Variants in SDK1 observed in about 807,000 individuals in gnomAD.
SDK1 encodes sidekick cell adhesion molecule 1.
In SDK1, 157 loss-of-function variants were observed where a neutral mutation model predicts 245.5. The ratio of observed to expected loss-of-function variants is 0.64; its 90% CI spans 0.56 to 0.73. SDK1 has a LOEUF of 0.73. SDK1 is among the 30% of genes least tolerant of loss of function. SDK1 has a pLI of 0.00. For synonymous variants in SDK1, 1,647 were observed against 1,278.5 expected (o/e 1.29, Z -6.15); for missense variants, 3,583 against 3,002.3 (o/e 1.19, Z -4.52).
intron 5 of SDK1, among the ~76,000 whole-genome samples, chr7:3,862,366 G>T (rs1393884638): frequency 2.6e-5 from 4 of 152,218 alleles, no homozygotes; most frequent in Non-Finnish European, 5.9e-5. Flanking sequence ...TTCCAGGCTG[G>T]TGCAGTCTCG....
intron 35 of SDK1, among the ~76,000 whole-genome samples, chr7:4,202,316 G>A (rs1783935524): frequency 6.6e-6 from 1 of 152,204 alleles, no homozygotes; most frequent in Non-Finnish European, 1.5e-5. Flanking sequence ...TCCAAGGGCT[G>A]GTCCCACCAG....
intron 4 of SDK1, among the ~76,000 whole-genome samples, chr7:3,733,473 C>T (rs1009454059): frequency 1.3e-5 from 2 of 152,116 alleles, no homozygotes; most frequent in Admixed American, 1.3e-4. Context: ...GTCTTCTATC[C>T]AGGGCTGGAA....
intron 1 of SDK1, among the ~76,000 whole-genome samples, chr7:3,406,690 A>T (rs1779064056): frequency 1.3e-5 from 2 of 152,094 alleles, no homozygotes; most frequent in Non-Finnish European, 2.9e-5. Flanking sequence ...ACACGAGGGG[A>T]TGTTTAGGGG....
At chr7:3,553,426 C>G (rs1053972402) in intron 1 of SDK1, among the ~76,000 whole-genome samples, 4 of 152,102 alleles carry the variant, frequency 2.6e-5, no homozygotes, top group African/African-American at 7.2e-5. Context: ...AGAAGGAGAA[C>G]TCTAAAACTT....
At chr7:3,665,797 A>T (rs1206032387) in intron 4 of SDK1, among the ~76,000 whole-genome samples, 1 of 152,134 alleles carries the variant, frequency 6.6e-6, no homozygotes, top group Non-Finnish European at 1.5e-5. Flanking sequence ...AAAAGTGATA[A>T]AGTTGATTCA....
chr7:3,913,573 G>A (rs975941164), intron 5 of SDK1, among the ~76,000 whole-genome samples: 8 of 152,150 alleles, frequency 5.3e-5, no homozygotes, highest in South Asian at 2.1e-4. Context: ...CATTACAGGC[G>A]TGAGCCACCG....
rs373152876 is a variant in SDK1 at position 3,847,588 on chromosome 7, C to T, written c.847+26005C>T. Among the ~76,000 whole-genome samples the T allele has an allele frequency of 5.3e-5, 8 of 152,288 alleles. No individual in the cohort carries two copies. In the East Asian group the frequency reaches 7.8e-4, roughly 15 times the overall value. ...TGCTTCTCACGCTGGTCTTTGTTGA[C>T]GCTGTCATGCTCTCATTATCTCTCA... On this transcript the variant is annotated intron_variant, in intron 5 of 44. Coordinates refer to ENST00000404826, the MANE Select transcript of SDK1 (RefSeq NM_152744.4).
chr7:3,559,422 C>T (rs1286787003), intron 1 of SDK1, among the ~76,000 whole-genome samples: 1 of 152,096 alleles, frequency 6.6e-6, no homozygotes, highest in African/African-American at 2.4e-5. Context: ...ATTTCTCTGC[C>T]AGTGAACTTT....
At chr7:3,546,509 G>A (rs889750714) in intron 1 of SDK1, among the ~76,000 whole-genome samples, 1 of 152,202 alleles carries the variant, frequency 6.6e-6, no homozygotes, top group African/African-American at 2.4e-5. Context: ...TTTACATTCA[G>A]AGTATACACA....
chr7:3,811,144 C>T (rs1041939385), intron 4 of SDK1, among the ~76,000 whole-genome samples: 1 of 152,186 alleles, frequency 6.6e-6, no homozygotes, highest in African/African-American at 2.4e-5. Flanking sequence ...CTGAGCCAGC[C>T]TCATTCACCT....
chr7:4,216,929 C>T (rs949386617), intron 38 of SDK1, among the ~76,000 whole-genome samples: 15 of 152,290 alleles, frequency 9.8e-5, no homozygotes, highest in Non-Finnish European at 2.1e-4. Flanking sequence ...CTAGGGAACA[C>T]TCCTCGAACC....
rs1046141796 is a variant in SDK1, at chr7:3,641,945, T to C, written c.566-13T>C. 3 of 1,607,042 alleles carry C rather than the reference T, an allele frequency of 1.9e-6. No individual in the cohort carries two copies. In the African/African-American group the frequency reaches 4.0e-5, roughly 22 times the overall value. On this transcript the variant is annotated splice_polypyrimidine_tract_variant and intron_variant, in intron 3 of 44. Transcript: ENST00000404826. ...GTTTTCTAGAACTTGAAAGCACTTC[T>C]TTTTCTCTGCAGATATGGGAAGTTT...
intron 4 of SDK1, among the ~76,000 whole-genome samples, chr7:3,653,627 A>G (rs1783073594): frequency 6.6e-6 from 1 of 152,134 alleles, no homozygotes; most frequent in South Asian, 2.1e-4. Context: ...CTCAGTAGGG[A>G]ACAGCATTGA....
At chr7:3,655,470 T>C (rs1434064391) in intron 4 of SDK1, among the ~76,000 whole-genome samples, 2 of 39,244 alleles carry the variant, frequency 5.1e-5, no homozygotes, top group Non-Finnish European at 7.3e-5. Flanking sequence ...TATATATATA[T>C]ATATATATAT....
intron 5 of SDK1, among the ~76,000 whole-genome samples, chr7:3,898,269 G>A (rs895418271): frequency 2.0e-5 from 3 of 152,076 alleles, no homozygotes; most frequent in East Asian, 1.9e-4. Context: ...CCTGAGAGTC[G>A]GGCACAGTTG....
chr7:3,469,204 C>T (rs1008995787), intron 1 of SDK1, among the ~76,000 whole-genome samples: 3 of 152,144 alleles, frequency 2.0e-5, no homozygotes, highest in African/African-American at 7.2e-5. Context: ...GGGAGAATTG[C>T]TTCAAGCCAG....
intron 1 of SDK1, among the ~76,000 whole-genome samples, chr7:3,348,490 C>G (rs1252794444): frequency 2.3e-5 from 2 of 87,442 alleles, no homozygotes; most frequent in Non-Finnish European, 2.8e-5. Flanking sequence ...TAAGGGAGAA[C>G]TAAACATCGA....
At position 3,664,996 on chromosome 7, in the gene SDK1, C is replaced by G. The variant is rs373198987; in HGVS notation, c.713+22891C>G. On this transcript the variant is annotated intron_variant, in intron 4 of 44. Transcript: ENST00000404826. ...GCAGGATGATTCAGACCATTATAAA[C>G]TTTGAGTAGGCTCTTCTGAATAACT... Among the ~76,000 whole-genome samples, 210 of 152,260 alleles carry G rather than the reference C, an allele frequency of 1.4e-3. 1 individual carries two copies. The highest frequency in any genetic ancestry group is 4.9e-3 in the African/African-American group (205 of 41,562).
At chr7:3,967,539 C>T in intron 10 of SDK1, 105 bp downstream of exon 10, 1 of 738,846 alleles carries the variant, frequency 1.4e-6, no homozygotes. Flanking sequence ...CTTATGCATT[C>T]ACTCAATGAA....
Sources: gnomAD v4.1 joint callset for allele counts (sites outside exome capture counted in the v4.1 genomes callset) on GRCh38, gnomAD v4.1.1 for gene constraint, MANE v1.5 for transcripts, NCBI Gene and HGNC (gene_info 2026-07-23, HGNC 2026-07-21) for gene names.